The following CDH23 variants were observed in gnomAD, a reference collection of about 807,000 sequenced individuals.
CDH23 encodes cadherin-23.
Under a neutral mutation model 317.1 loss-of-function variants are expected in CDH23, and 189 were observed. The ratio of observed to expected loss-of-function variants is 0.60; its 90% confidence interval spans 0.53 to 0.67. The LOEUF (loss-of-function observed/expected upper bound fraction) is 0.67, where lower values mean the gene tolerates loss of function less well. Among genes scored for constraint, CDH23 ranks in the 30% least tolerant of loss-of-function variants. The pLI, the probability that CDH23 is intolerant of heterozygous loss-of-function variation, is 0.00. For missense variants in CDH23, 4,401 were observed against 4,592.4 expected, an observed-to-expected ratio of 0.96 and a Z score of 1.20; for synonymous variants, 1,839 against 1,876.8, an observed-to-expected ratio of 0.98 and a Z score of 0.52.
rs749128998 is a variant in CDH23 at position 71,812,612 on chromosome 10, G to A, written c.9510+3G>A. ...GGAACAGCCCCACGCGCACCCATGT[G>A]AGCCAGAGGCGGTCAGGCATCACAA... On this transcript the variant is annotated splice_donor_region_variant and intron_variant, in intron 67 of 69. Transcript: ENST00000224721. 53 of 1,613,600 alleles carry A rather than the reference G, an allele frequency of 3.3e-5. No homozygotes were observed. Among genetic ancestry groups the A allele is most frequent in the Non-Finnish European group, 4.2e-5 (49 of 1,179,892 alleles).
chr10:71,767,076 C>G (rs1042322564), intron 38 of CDH23, among the ~76,000 whole-genome samples: 2 of 152,232 alleles, frequency 1.3e-5, no homozygotes, highest in East Asian at 1.9e-4. Flanking sequence ...CTGCTCAGAA[C>G]TTGGGCCTGG....
intron 6 of CDH23, among the ~76,000 whole-genome samples, chr10:71,517,827 C>T (rs964638780): frequency 5.3e-4 from 81 of 152,178 alleles, no homozygotes; most frequent in Admixed American, 5.0e-3. Flanking sequence ...TCTGGCTGAG[C>T]GGCAGCCCCA....
intron 69 of CDH23, among the ~76,000 whole-genome samples, chr10:71,814,261 G>A (rs188723390): frequency 1.3e-5 from 2 of 152,268 alleles, no homozygotes; most frequent in Non-Finnish European, 2.9e-5. Flanking sequence ...TAAAATTAAA[G>A]ATTCTCAGCC....
intron 3 of CDH23, among the ~76,000 whole-genome samples, chr10:71,479,627 T>C (rs1405772496): frequency 6.6e-6 from 1 of 152,168 alleles, no homozygotes; most frequent in African/African-American, 2.4e-5. Flanking sequence ...AACGTGCTCC[T>C]GGGAAGCCTC....
At chr10:71,688,521 TCAGGGGTGGTGGAAC>T (rs1865002507) in intron 19 of CDH23, among the ~76,000 whole-genome samples, 1 of 96,398 alleles carries the variant, frequency 1.0e-5, no homozygotes. Flanking sequence ...GGTGGTGGAG[TCAGGGGTGGTGGAAC>T]CAGGGATGGT....
chr10:71,511,364 A>G (rs1465480700), intron 6 of CDH23, 152 bp downstream of exon 6: 27 of 729,828 alleles, frequency 3.7e-5, no homozygotes, highest in Non-Finnish European at 6.3e-5. Flanking sequence ...GTTGGCGAAC[A>G]TGCTGGTACC....
intron 3 of CDH23, among the ~76,000 whole-genome samples, chr10:71,481,828 G>A (rs150864989): frequency 6.6e-6 from 1 of 152,286 alleles, no homozygotes; most frequent in Non-Finnish European, 1.5e-5. Flanking sequence ...GTCCTGTGGG[G>A]CAGCCCTGAG....
At chr10:71,528,259 C>T (rs759099700) in intron 6 of CDH23, among the ~76,000 whole-genome samples, 1 of 151,586 alleles carries the variant, frequency 6.6e-6, no homozygotes, top group Non-Finnish European at 1.5e-5. Context: ...GTCACTCCAC[C>T]GCCAGGCCTC....
At chr10:71,463,723 A>T (rs1363508152) in intron 3 of CDH23, among the ~76,000 whole-genome samples, 5 of 152,234 alleles carry the variant, frequency 3.3e-5, no homozygotes, top group Admixed American at 3.3e-4. Flanking sequence ...GGACCCAGAG[A>T]TCAAAGACAT....
At chr10:71,813,044 C>A (rs375745675) in intron 68 of CDH23, among the ~76,000 whole-genome samples, 154 bp downstream of exon 68, 1 of 152,168 alleles carries the variant, frequency 6.6e-6, no homozygotes, top group African/African-American at 2.4e-5. Flanking sequence ...CTCCAGCCTG[C>A]GGTGGCCTTA....
intron 3 of CDH23, among the ~76,000 whole-genome samples, chr10:71,458,840 T>C (rs1200006589): frequency 6.6e-6 from 1 of 152,234 alleles, no homozygotes; most frequent in Non-Finnish European, 1.5e-5. Context: ...TGGGCTGGAG[T>C]GCAGTGGCGC....
chr10:71,601,113 G>A (rs182688078), intron 9 of CDH23, among the ~76,000 whole-genome samples: 74 of 152,242 alleles, frequency 4.9e-4, no homozygotes, highest in African/African-American at 1.6e-3. Context: ...ACCAAATGCC[G>A]GAAAACCCTC....
chr10:71,623,890 C>T (rs191525105), intron 11 of CDH23, among the ~76,000 whole-genome samples: 1 of 152,210 alleles, frequency 6.6e-6, no homozygotes, highest in African/African-American at 2.4e-5. Context: ...CCTACCCCAA[C>T]TGCCCTGAGA....
At chr10:71,703,019 C>T (rs973819336) in intron 24 of CDH23, among the ~76,000 whole-genome samples, 1 of 152,190 alleles carries the variant, frequency 6.6e-6, no homozygotes, top group Non-Finnish European at 1.5e-5. Context: ...ACAAAGAAGG[C>T]CAGATGAGTG....
chr10:71,409,727 A>G (rs1402032330), intron 1 of CDH23, among the ~76,000 whole-genome samples: 1 of 151,942 alleles, frequency 6.6e-6, no homozygotes, highest in African/African-American at 2.4e-5. Flanking sequence ...CTAGAAAGGG[A>G]CTTCTCTCCC....
intron 1 of CDH23, among the ~76,000 whole-genome samples, chr10:71,410,207 A>T (rs893012235): frequency 3.3e-5 from 5 of 152,266 alleles, no homozygotes; most frequent in African/African-American, 1.2e-4. Context: ...CTTGGCACAT[A>T]GTAAATGTTC....
rs553248843 is a variant in CDH23, at chr10:71,679,563, T to C, written c.1858+71T>C. 11 of 1,209,668 alleles carry C rather than the reference T, an allele frequency of 9.1e-6. No homozygotes were observed. In the African/African-American group the frequency reaches 1.5e-4, roughly 17 times the overall value. 74.9% of individuals were successfully genotyped at this position (1,209,668 alleles called of 1,614,324 possible). On this transcript the variant is annotated intron_variant, in intron 17 of 69. Coordinates refer to ENST00000224721, the MANE Select transcript of CDH23 (RefSeq NM_022124.6). Reference sequence around the variant, plus strand: ...GGGGCTCTCTGCACTCACACCTCCCTTGTGGGGATGAGGCGGGCACTCCTT... The same window carrying C: ...GGGGCTCTCTGCACTCACACCTCCCCTGTGGGGATGAGGCGGGCACTCCTT...
rs545835256 is a variant in CDH23, at chr10:71,686,712, G to A, written c.1987-935G>A. ...CATAAAGACTGCCCAACGGTGCCGGGACTCAGCCTGACTCCTGAGCTCTGC... is the reference window on the plus strand; with the variant it reads ...CATAAAGACTGCCCAACGGTGCCGGAACTCAGCCTGACTCCTGAGCTCTGC... On this transcript the variant is annotated intron_variant, in intron 18 of 69. Coordinates refer to ENST00000224721, the MANE Select transcript of CDH23 (RefSeq NM_022124.6). Among the ~76,000 whole-genome samples the A allele has an allele frequency of 3.9e-5, 6 of 152,294 alleles. No individual in the cohort carries two copies. In the East Asian group the frequency reaches 1.2e-3, roughly 29 times the overall value.
At chr10:71,723,094 G>A (rs1422391224) in intron 28 of CDH23, among the ~76,000 whole-genome samples, 1 of 152,176 alleles carries the variant, frequency 6.6e-6, no homozygotes, top group Non-Finnish European at 1.5e-5. Flanking sequence ...CACACCACAG[G>A]GCTGAAGTGA....
Sources: allele counts gnomAD v4.1 joint callset (sites outside exome capture counted in the v4.1 genomes callset), GRCh38; gene constraint gnomAD v4.1.1; transcripts MANE v1.5; gene names NCBI Gene and HGNC (gene_info 2026-07-23, HGNC 2026-07-21).